The following DEFB124 variants were observed in gnomAD, a reference collection of about 807,000 sequenced individuals.
DEFB124 encodes beta-defensin 124.
For missense variants in DEFB124, 78 were observed against 83.1 expected, an observed-to-expected ratio of 0.94 and a Z score of 0.24; for synonymous variants, 38 against 36.5, an observed-to-expected ratio of 1.04 and a Z score of -0.15.
At chr20:31,467,284 C>A (rs748506578) in intron 2 of DEFB124, among the ~76,000 whole-genome samples, 1 of 152,168 alleles carries the variant, frequency 6.6e-6, no homozygotes. Flanking sequence ...TCAACCCTGC[C>A]GAGCAGTCCA....
At chr20:31,472,839 A>G in intron 2 of DEFB124, 117 bp downstream of exon 2, 2 of 1,323,944 alleles carry the variant, frequency 1.5e-6, no homozygotes, top group South Asian at 1.7e-5. Context: ...TGGTGGGGCC[A>G]GAACTTAAAT....
At chr20:31,466,620 T>A (rs962712396) in intron 2 of DEFB124, among the ~76,000 whole-genome samples, 1 of 148,318 alleles carries the variant, frequency 6.7e-6, no homozygotes, top group African/African-American at 2.6e-5. Flanking sequence ...TATATATATA[T>A]ATAAAACCTT....
At chr20:31,472,893 C>G (rs1980372030) in intron 2 of DEFB124, 63 bp downstream of exon 2, 5 of 1,575,676 alleles carry the variant, frequency 3.2e-6, no homozygotes, top group Non-Finnish European at 4.3e-6. Context: ...AGAGTCTAGT[C>G]CTCATTTTTA....
intron 2 of DEFB124, among the ~76,000 whole-genome samples, chr20:31,471,646 C>T (rs1440344522): frequency 4.2e-5 from 6 of 142,744 alleles, no homozygotes; most frequent in Non-Finnish European, 6.1e-5. Flanking sequence ...ACTTCTCAGA[C>T]GGGGCAGCTG....
chr20:31,471,413 A>T (rs1341091840), intron 2 of DEFB124, among the ~76,000 whole-genome samples: 1 of 65,452 alleles, frequency 1.5e-5, no homozygotes. Context: ...CGGGGGGCTG[A>T]CCCCCCCACC....
chr20:31,465,717 C>CCACT (rs1980066633), intron 2 of DEFB124, 54 bp from the exon 3 acceptor site: 2 of 1,589,388 alleles, frequency 1.3e-6, no homozygotes, highest in African/African-American at 2.7e-5. Context: ...ACACGTTAGA[C>CCACT]CACTGGTCAC....
chr20:31,470,905 A>G (rs1399877077), intron 2 of DEFB124, among the ~76,000 whole-genome samples: 1 of 127,214 alleles, frequency 7.9e-6, no homozygotes, highest in African/African-American at 3.0e-5. Context: ...TCCCTCCCGG[A>G]CGGGGTGGCT....
chr20:31,470,730 C>T (rs1449384203), intron 2 of DEFB124, among the ~76,000 whole-genome samples: 5 of 136,904 alleles, frequency 3.7e-5, no homozygotes, highest in Non-Finnish European at 8.0e-5. Flanking sequence ...CCCTCCCGGA[C>T]GGGGTGGCTG....
chr20:31,474,380 C>G (rs1980416997), intron 1 of DEFB124, among the ~76,000 whole-genome samples: 1 of 152,212 alleles, frequency 6.6e-6, no homozygotes. Context: ...TGTATCAGCT[C>G]CAAGACCTGT....
chr20:31,467,238 C>T (rs185698032), intron 2 of DEFB124, among the ~76,000 whole-genome samples: 1 of 152,334 alleles, frequency 6.6e-6, no homozygotes, highest in East Asian at 1.9e-4. Flanking sequence ...CCATGTAATC[C>T]TCAAATGATG....
intron 1 of DEFB124, among the ~76,000 whole-genome samples, chr20:31,474,147 T>C (rs922493223): frequency 2.0e-5 from 3 of 151,988 alleles, no homozygotes; most frequent in Non-Finnish European, 4.4e-5. Flanking sequence ...TTAGCAAGAG[T>C]GTAAGCTGTT....
intron 2 of DEFB124, among the ~76,000 whole-genome samples, chr20:31,472,394 A>G (rs1340246912): frequency 6.8e-6 from 1 of 146,034 alleles, no homozygotes; most frequent in African/African-American, 2.5e-5. Flanking sequence ...GAGACAGTGG[A>G]AAGAGAGGGA....
At chr20:31,473,373 T>C (rs1388290152) in intron 1 of DEFB124, among the ~76,000 whole-genome samples, 6 of 152,158 alleles carry the variant, frequency 3.9e-5, no homozygotes, top group Non-Finnish European at 7.3e-5. Context: ...CCCTAACTGC[T>C]GTGAGACATC....
At chr20:31,470,293 G>T (rs1406661137) in intron 2 of DEFB124, among the ~76,000 whole-genome samples, 8 of 137,004 alleles carry the variant, frequency 5.8e-5, no homozygotes, top group Non-Finnish European at 3.2e-5. Flanking sequence ...GCGGCTGGCC[G>T]GGCAGAGGGG....
chr20:31,468,136 C>T (rs2084133850), intron 2 of DEFB124, among the ~76,000 whole-genome samples: 3 of 152,164 alleles, frequency 2.0e-5, no homozygotes, highest in Admixed American at 6.5e-5. Flanking sequence ...CCTGCATGAT[C>T]TGCACTCTCT....
Position 31,465,594 on chromosome 20 carries a change from G to T in DEFB124, c.128C>A (p.Thr43Asn), listed in dbSNP as rs764954720. Residue 43 changes from threonine (T) to asparagine (N), a missense_variant, in exon 3 of 3, where the codon ACT (threonine) becomes AAT (asparagine). Physicochemically the swap from Thr to Asn is moderately conservative, Grantham distance 65 (BLOSUM62 0). Coordinates refer to ENST00000317676, the MANE Select transcript of DEFB124 (RefSeq NM_001037500.2). ...ACQTYCTRQE[T>N]YMHLCPDASL... The stretch of plus-strand genomic sequence containing the variant: ...CGCATCCGGGCACAGGTGCATGTAA[G>T]TTTCTTGCCTTGTGCAGTAAGTTTG... The T allele has an allele frequency of 6.2e-7, 1 of 1,614,212 alleles. No homozygotes were observed.
chr20:31,472,183 TCG>T (rs1429373670), intron 2 of DEFB124, among the ~76,000 whole-genome samples: 2 of 151,934 alleles, frequency 1.3e-5, no homozygotes, highest in African/African-American at 4.8e-5. Flanking sequence ...GGCGGATCAC[TCG>T]CGGTTAGGAG....
Position 31,465,530 on chromosome 20 carries a change from C to T in DEFB124, c.192G>A (p.Pro64=), listed in dbSNP as rs765229570. The T allele has an allele frequency of 1.1e-5, 18 of 1,613,972 alleles. No homozygotes were observed. Among genetic ancestry groups the T allele is most frequent in the African/African-American group, 2.7e-5 (2 of 74,916 alleles). The change falls in exon 3 of 3, where the codon CCG becomes CCA. Residue 64 remains proline, a synonymous_variant. Coordinates refer to ENST00000317676, the MANE Select transcript of DEFB124 (RefSeq NM_001037500.2). ...GCTACTCATATTCATGCTTGGGGAC[C>T]GGTGGAGGTTTCAATGCATAGGAGA... The part of the protein sequence containing the change: ...CCLSYALKPP[P]VPKHEYE
At chr20:31,470,054 CG>C (rs1338337605) in intron 2 of DEFB124, among the ~76,000 whole-genome samples, 2 of 134,764 alleles carry the variant, frequency 1.5e-5, no homozygotes, top group Non-Finnish European at 3.2e-5. Context: ...ACCTCCCGGA[CG>C]GGGCGGCTGG....
Sources: gnomAD v4.1 joint callset for allele counts (sites outside exome capture counted in the v4.1 genomes callset) on GRCh38, gnomAD v4.1.1 for gene constraint, MANE v1.5 for transcripts, NCBI Gene and HGNC (gene_info 2026-07-23, HGNC 2026-07-21) for gene names.